PCED1B: variants seen among roughly 807,000 people sequenced by gnomAD.
The protein encoded by PCED1B is PC-esterase domain containing 1B.
For synonymous variants in PCED1B, 251 were observed against 246.1 expected, an observed-to-expected ratio of 1.02 and a Z score of -0.19; for missense variants, 573 against 573.9, an observed-to-expected ratio of 1.00 and a Z score of 0.02.
At chr12:47,232,111 G>A (rs909321561) in intron 3 of PCED1B, among the ~76,000 whole-genome samples, 3 of 152,202 alleles carry the variant, frequency 2.0e-5, no homozygotes, top group Non-Finnish European at 4.4e-5. Context: ...CACTTATTAA[G>A]TGTGAGTTGG....
In PCED1B at chr12:47,161,393, G is replaced by A. The variant is rs144867239; in HGVS notation, c.-525-54829G>A. ...AAATCATTTCACCACATATGTGAGGGTATGTTTCTGGGCTCTCTCTTTTAT... is the reference window on the plus strand; with the variant it reads ...AAATCATTTCACCACATATGTGAGGATATGTTTCTGGGCTCTCTCTTTTAT... On this transcript the variant is annotated intron_variant, in intron 2 of 3. Coordinates refer to ENST00000546455, the MANE Select transcript of PCED1B (RefSeq NM_138371.3). 3.1e-3 allele frequency among the ~76,000 whole-genome samples: 479 copies of A among 152,240 alleles called. 3 individuals carry two copies. Among genetic ancestry groups the A allele is most frequent in the African/African-American group, 8.9e-3 (371 of 41,528 alleles).
chr12:47,164,871 G>A (rs1941495123), intron 2 of PCED1B, among the ~76,000 whole-genome samples: 2 of 152,198 alleles, frequency 1.3e-5, no homozygotes, highest in South Asian at 4.1e-4. Flanking sequence ...GTGGCTAGTT[G>A]AGTCACAATG....
At chr12:47,093,209 G>C (rs1215601941) in intron 1 of PCED1B, among the ~76,000 whole-genome samples, 1 of 151,412 alleles carries the variant, frequency 6.6e-6, no homozygotes, top group African/African-American at 2.4e-5. Flanking sequence ...TGTCAGTCTT[G>C]GTAAATTGTA....
chr12:47,117,201 C>A (rs1939458680), intron 2 of PCED1B, among the ~76,000 whole-genome samples: 1 of 152,052 alleles, frequency 6.6e-6, no homozygotes. Context: ...GTACTTCATT[C>A]ATTTTTTTTA....
At chr12:47,097,067 A>G (rs1938510713) in intron 1 of PCED1B, among the ~76,000 whole-genome samples, 1 of 152,216 alleles carries the variant, frequency 6.6e-6, no homozygotes, top group African/African-American at 2.4e-5. Flanking sequence ...TCCCTTAATA[A>G]CTTGATAAAT....
chr12:47,141,889 A>G (rs1167906008), intron 2 of PCED1B, among the ~76,000 whole-genome samples: 4 of 152,014 alleles, frequency 2.6e-5, no homozygotes, highest in Non-Finnish European at 5.9e-5. Context: ...AGTCCTTCCC[A>G]CCAAAGGACC....
intron 2 of PCED1B, among the ~76,000 whole-genome samples, chr12:47,160,596 T>A (rs1482046521): frequency 2.0e-5 from 3 of 152,148 alleles, no homozygotes; most frequent in Non-Finnish European, 2.9e-5. Flanking sequence ...GGAGTATGTA[T>A]GAGCCACAAT....
At position 47,160,284 on chromosome 12, in the gene PCED1B, T is replaced by A. The variant is rs1941328425; in HGVS notation, c.-525-55938T>A. 3.6e-5 allele frequency among the ~76,000 whole-genome samples: 5 copies of A among 138,250 alleles called. No individual in the cohort carries two copies. In the South Asian group the frequency reaches 1.2e-3, roughly 32 times the overall value. 90.7% of individuals were successfully genotyped at this position (138,250 alleles called of 152,430 possible). ...TTCTTTTCTTTTCTTTCTTTTTCTT[T>A]TTCTTTTTCTTTTTTTTTTTTTTTT... On this transcript the variant is annotated intron_variant, in intron 2 of 3. Transcript: ENST00000546455.
chr12:47,108,743 T>A (rs1363007056), intron 2 of PCED1B, among the ~76,000 whole-genome samples: 8 of 152,224 alleles, frequency 5.3e-5, no homozygotes, highest in African/African-American at 1.9e-4. Context: ...TCTTCTCTTC[T>A]TTAAACTTCA....
chr12:47,217,456 G>A (rs866915005), intron 3 of PCED1B, among the ~76,000 whole-genome samples: 704 of 40,436 alleles, frequency 0.017, 27 homozygotes, highest in African/African-American at 0.069. Flanking sequence ...AAGAAAGAAA[G>A]AAAAAGAAAG....
At position 47,211,108 on chromosome 12, in the gene PCED1B, G is replaced by C. The variant is rs182759070; in HGVS notation, c.-525-5114G>C. Among the ~76,000 whole-genome samples, 14 of 152,208 alleles carry C rather than the reference G, an allele frequency of 9.2e-5. No homozygotes were observed. The East Asian group carries it at 2.1e-3, about 23-fold the overall frequency. ...TAAAAATCCCTTTTCAGTAATAGAA[G>C]TGATACTCTAACATAAAGCCATAAA... On this transcript the variant is annotated intron_variant, in intron 2 of 3. Transcript: ENST00000546455.
At chr12:47,098,002 G>A (rs1178594182) in intron 1 of PCED1B, among the ~76,000 whole-genome samples, 1 of 152,208 alleles carries the variant, frequency 6.6e-6, no homozygotes, top group African/African-American at 2.4e-5. Context: ...CCATTTCCAA[G>A]TAAGGCTAGC....
intron 2 of PCED1B, among the ~76,000 whole-genome samples, chr12:47,175,584 T>TATGTATGTATG (rs1565583528): frequency 6.7e-6 from 1 of 148,806 alleles, no homozygotes; most frequent in African/African-American, 2.6e-5. Context: ...ATGTATGTAT[T>TATGTATGTATG]TATTTTGAGA....
chr12:47,084,951 A>G (rs1002287631), intron 1 of PCED1B, among the ~76,000 whole-genome samples: 2 of 152,198 alleles, frequency 1.3e-5, no homozygotes, highest in Admixed American at 1.3e-4. Flanking sequence ...AGCCTGGCCA[A>G]CATCTCTTCT....
chr12:47,120,613 C>T lies in PCED1B; in HGVS notation c.-526+16418C>T, dbSNP rs58562559. ...GGTCAGGAGTTCAAGACCAGCCAGG[C>T]CAACATGATGAAATCCCGTTTCTAC... is the stretch of plus-strand genomic sequence containing the variant. On this transcript the variant is annotated intron_variant, in intron 2 of 3. Transcript: ENST00000546455. 5.7e-3 allele frequency among the ~76,000 whole-genome samples: 874 copies of T among 152,058 alleles called. 7 individuals are homozygous for T. The highest frequency in any genetic ancestry group is 0.017 in the African/African-American group (716 of 41,482).
intron 2 of PCED1B, among the ~76,000 whole-genome samples, chr12:47,118,832 G>A (rs1258671736): frequency 1.3e-5 from 2 of 152,158 alleles, no homozygotes; most frequent in African/African-American, 2.4e-5. Flanking sequence ...AGCATGGAAT[G>A]TTCTTCCATT....
chr12:47,225,980 T>C (rs969654257), intron 3 of PCED1B, among the ~76,000 whole-genome samples: 4 of 152,238 alleles, frequency 2.6e-5, no homozygotes, highest in Admixed American at 2.0e-4. Flanking sequence ...AAAGCAATAG[T>C]CAATGAGTTG....
intron 1 of PCED1B, among the ~76,000 whole-genome samples, chr12:47,100,667 T>G (rs1175092991): frequency 1.3e-5 from 2 of 152,156 alleles, no homozygotes; most frequent in African/African-American, 4.8e-5. Context: ...AAAAGGAGAA[T>G]AGAAAAGAAA....
intron 2 of PCED1B, among the ~76,000 whole-genome samples, chr12:47,135,296 A>T (rs557315820): frequency 9.3e-4 from 141 of 152,124 alleles, no homozygotes; most frequent in African/African-American, 3.2e-3. Flanking sequence ...TAATTTTTTT[A>T]TTTTTATTTT....
Sources: gnomAD v4.1 joint callset for allele counts (sites outside exome capture counted in the v4.1 genomes callset) on GRCh38, gnomAD v4.1.1 for gene constraint, MANE v1.5 for transcripts, NCBI Gene and HGNC (gene_info 2026-07-23, HGNC 2026-07-21) for gene names.